DGKQ: variants seen among roughly 807,000 people sequenced by gnomAD.
DGKQ encodes the protein diacylglycerol kinase theta, also known as DAG kinase theta.
A neutral mutation model predicts 104.2 loss-of-function variants in DGKQ; 97 were observed. That is an observed-to-expected ratio of 0.93 (90% confidence interval 0.79 to 1.10). The LOEUF (loss-of-function observed/expected upper bound fraction) is 1.10, where lower values mean the gene tolerates loss of function less well. DGKQ is among the 50% of genes least tolerant of loss of function. The probability of loss-of-function intolerance (pLI) is 0.00; values close to 1 mark genes in which losing one functional copy is unlikely to be tolerated. For missense variants in DGKQ, 1,465 were observed against 1,352.1 expected (o/e 1.08, Z -1.31); for synonymous variants, 736 against 595.2 (o/e 1.24, Z -3.44).
intron 3 of DGKQ, 103 bp downstream of exon 3, chr4:968,708 C>T: frequency 7.3e-7 from 1 of 1,362,282 alleles, no homozygotes; most frequent in Non-Finnish European, 1.0e-6. Flanking sequence ...AGCCCTTGGC[C>T]TCCCCCATCA....
intron 8 of DGKQ, 43 bp downstream of exon 8, chr4:967,506 G>C (rs547917833): frequency 1.3e-6 from 2 of 1,583,752 alleles, no homozygotes; most frequent in African/African-American, 1.3e-5. Context: ...GGGGACATGC[G>C]GTCCTGGGAG....
chr4:960,624 C>T lies in DGKQ; in HGVS notation c.2825G>A (p.Arg942Lys). ...CTTGGGCTGCCCCAGCCACCCCTAC[C>T]TAGGATCGCTCTCAGGGGCAGGCGC... is the stretch of plus-strand genomic sequence containing the variant. ...DAAPAPESDP[R>K] Residue 942 changes from arginine (R) to lysine (K), a missense_variant, in exon 23 of 23, where the codon AGG becomes AAG. By Grantham distance (26) the Arg-to-Lys change is conservative. Coordinates refer to ENST00000273814, the MANE Select transcript of DGKQ (RefSeq NM_001347.4). 4 of 1,611,352 alleles carry T rather than the reference C, an allele frequency of 2.5e-6. No homozygotes were observed. Among genetic ancestry groups the T allele is most frequent in the Non-Finnish European group, 3.4e-6 (4 of 1,179,550 alleles).
chr4:966,526 G>C lies in DGKQ; in HGVS notation c.1368C>G (p.Val456=). Reference sequence around the variant, plus strand: ...GTTCGTCCATCAGCATCGTCCGCTGGACTGCAGAGGTGAGGGCACAGGCCG... The same window carrying C: ...GTTCGTCCATCAGCATCGTCCGCTGCACTGCAGAGGTGAGGGCACAGGCCG... ...LVEVAMGCRH[V]QRTMLMDEQP... The change falls in exon 12 of 23, where the codon GTC becomes GTG. Residue 456 remains valine, a splice_region_variant and synonymous_variant. Transcript: ENST00000273814. 3 of 1,611,938 alleles carry C rather than the reference G, an allele frequency of 1.9e-6. No individual in the cohort carries two copies. The highest frequency in any genetic ancestry group is 1.3e-5 in the African/African-American group (1 of 75,046).
In DGKQ at chr4:963,303, G is replaced by A. The variant is rs375903955; in HGVS notation, c.1735-13C>T. ...GCAGCTTCGCGTGCTGACAGACAGG[G>A]GGCTGGGTTAGGATGGGGACCCAAG... is the stretch of plus-strand genomic sequence containing the variant. On this transcript the variant is annotated splice_polypyrimidine_tract_variant and intron_variant, in intron 15 of 22. Coordinates refer to ENST00000273814, the MANE Select transcript of DGKQ (RefSeq NM_001347.4). 2.0e-5 allele frequency: 32 copies of A among 1,595,092 alleles called. No individual in the cohort carries two copies. Among genetic ancestry groups the A allele is most frequent in the East Asian group, 2.3e-5 (1 of 44,366 alleles).
chr4:960,465 C>G lies in DGKQ; in HGVS notation c.*155G>C. On this transcript the variant is annotated 3_prime_UTR_variant, in exon 23 of 23. Transcript: ENST00000273814. ...TCACCAATGGGATGAGGGCGGGTCC[C>G]GCTCCGTCACTGGGAAGATGCTGTG... The G allele has an allele frequency of 1.5e-6, 1 of 660,544 alleles. No homozygotes were observed. The highest frequency in any genetic ancestry group is 2.7e-5 in the East Asian group (1 of 37,046). 40.9% of individuals were successfully genotyped at this position (660,544 alleles called of 1,614,324 possible). A position where few individuals can be genotyped will look rare whatever the true frequency, so the allele number is the denominator to read the frequency against.
Position 963,296 on chromosome 4 carries a change from A to G in DGKQ, c.1735-6T>C, listed in dbSNP as rs759421073. Reference sequence around the variant, plus strand: ...TCTGGGGGCAGCTTCGCGTGCTGACAGACAGGGGGCTGGGTTAGGATGGGG... The same window carrying G: ...TCTGGGGGCAGCTTCGCGTGCTGACGGACAGGGGGCTGGGTTAGGATGGGG... On this transcript the variant is annotated splice_region_variant and splice_polypyrimidine_tract_variant and intron_variant, in intron 15 of 22. Transcript: ENST00000273814. The G allele has an allele frequency of 6.3e-6, 10 of 1,597,860 alleles. No homozygotes were observed. Among genetic ancestry groups the G allele is most frequent in the East Asian group, 2.3e-5 (1 of 44,416 alleles).
chr4:970,571 C>A (rs11248060), intron 2 of DGKQ, among the ~76,000 whole-genome samples: 1 of 152,120 alleles, frequency 6.6e-6, no homozygotes, highest in Non-Finnish European at 1.5e-5. Flanking sequence ...TGTGAGGAAA[C>A]TGAACAGACC....
chr4:973,365 C>A lies in DGKQ; in HGVS notation c.118G>T (p.Gly40Trp). The A allele has an allele frequency of 8.4e-7, 1 of 1,184,300 alleles. No homozygotes were observed. Among genetic ancestry groups the A allele is most frequent in the Non-Finnish European group, 1.0e-6 (1 of 957,058 alleles). The allele number at this position is 1,184,300 out of a possible 1,614,324, so 73.4% of individuals were successfully genotyped here. Residue 40 changes from glycine (G) to tryptophan (W), a missense_variant, in exon 1 of 23, where the codon GGG (glycine) becomes TGG (tryptophan). By Grantham distance (184) the Gly-to-Trp change is radical. Coordinates refer to ENST00000273814, the MANE Select transcript of DGKQ (RefSeq NM_001347.4). ...GSGGRARPGP[G>W]PGPGPERAGV... ...GCCCGCTCGGGTCCCGGCCCCGGCCCCGGCCCCGGGCGCGCGCGGCCTCCT... is the reference window on the plus strand; with the variant it reads ...GCCCGCTCGGGTCCCGGCCCCGGCCACGGCCCCGGGCGCGCGCGGCCTCCT...
At position 966,957 on chromosome 4, in the gene DGKQ, T is replaced by TACGC; in HGVS notation, c.1311+3_1311+6dup. The TACGC allele has an allele frequency of 6.4e-7, 1 of 1,559,090 alleles. No individual in the cohort carries two copies. Among genetic ancestry groups the TACGC allele is most frequent in the Non-Finnish European group, 8.7e-7 (1 of 1,154,078 alleles). On this transcript the variant is annotated splice_region_variant and intron_variant, in intron 10 of 22. Coordinates refer to ENST00000273814, the MANE Select transcript of DGKQ (RefSeq NM_001347.4). Reference sequence around the variant, plus strand: ...GCCGGCATGGGGAGCAGGCACAGGGTACGCACCTGGCGGCCGAGCAGCGGC... The same window carrying TACGC: ...GCCGGCATGGGGAGCAGGCACAGGGTACGCACGCACCTGGCGGCCGAGCAGCGGC...
rs986797415 is a variant in DGKQ, at chr4:973,060, C to T, written c.271+152G>A. ...CTGGAGCGGCCCCACGGCGCACAGGCCCCGGCCGCCCCACGAAGGCACGTC... is the reference window on the plus strand; with the variant it reads ...CTGGAGCGGCCCCACGGCGCACAGGTCCCGGCCGCCCCACGAAGGCACGTC... On this transcript the variant is annotated intron_variant, in intron 1 of 22. Coordinates refer to ENST00000273814, the MANE Select transcript of DGKQ (RefSeq NM_001347.4). 47 of 1,252,506 alleles carry T rather than the reference C, an allele frequency of 3.8e-5. No homozygotes were observed. In the East Asian group the frequency reaches 1.5e-3, roughly 40 times the overall value. 77.6% of individuals were successfully genotyped at this position (1,252,506 alleles called of 1,614,324 possible). A position where few individuals can be genotyped will look rare whatever the true frequency, so the allele number is the denominator to read the frequency against.
Position 962,484 on chromosome 4 carries a change from T to C in DGKQ, c.2165A>G (p.His722Arg), listed in dbSNP as rs374263035. Residue 722 changes from histidine (H) to arginine (R), a missense_variant, in exon 18 of 23, where the codon CAC (histidine) becomes CGC (arginine). Physicochemically the swap from His to Arg is conservative, Grantham distance 29. Coordinates refer to ENST00000273814, the MANE Select transcript of DGKQ (RefSeq NM_001347.4). The part of the protein sequence containing the change: ...MDRWTILLDA[H>R]EAGSAENDTA... ...GTCGTTCTCTGCACTGCCAGCCTCG[T>C]GGGCATCCAGCAGGATGGTCCAGCG... The C allele has an allele frequency of 9.3e-6, 15 of 1,607,680 alleles. No individual in the cohort carries two copies. Among genetic ancestry groups the C allele is most frequent in the Non-Finnish European group, 1.2e-5 (14 of 1,179,560 alleles).
In DGKQ at chr4:960,666, T is replaced by TA; in HGVS notation, c.2782_2783insT (p.Asp928ValfsTer11). 6.2e-7 allele frequency: 1 copy of TA among 1,612,250 alleles called. No homozygotes were observed. The highest frequency in any genetic ancestry group is 8.5e-7 in the Non-Finnish European group (1 of 1,179,808). Reference sequence around the variant, plus strand: ...GGCAGGCGCAGCATCCGCCCGGGCATCCCTGGTGGTCCCGGCCCTCCTCGG... The same window carrying TA: ...GGCAGGCGCAGCATCCGCCCGGGCATACCCTGGTGGTCCCGGCCCTCCTCGG... On this transcript the variant is annotated frameshift_variant, in exon 23 of 23. Transcript: ENST00000273814. LOFTEE classifies it low-confidence loss of function (END_TRUNC).
intron 15 of DGKQ, 133 bp downstream of exon 15, chr4:965,043 C>T (rs1712193794): frequency 1.5e-6 from 1 of 686,184 alleles, no homozygotes; most frequent in Admixed American, 2.4e-5. Flanking sequence ...CCTACAAGCC[C>T]CCAGTGAATT....
intron 16 of DGKQ, 34 bp from the exon 17 acceptor site, chr4:962,954 G>C (rs907223521): frequency 1.3e-6 from 2 of 1,583,876 alleles, no homozygotes; most frequent in African/African-American, 2.7e-5. Context: ...TCTACCAGCT[G>C]CGGGCGCAGC....
rs1711935129 is a variant in DGKQ at position 962,154 on chromosome 4, G to A, written c.2215-72C>T. On this transcript the variant is annotated intron_variant, in intron 18 of 22. Coordinates refer to ENST00000273814, the MANE Select transcript of DGKQ (RefSeq NM_001347.4). ...GCCCCCTGAGCTCCCCAACAGCTCTGCCGGCAGGCAGAGACAAGAGCAAGG... is the reference window on the plus strand; with the variant it reads ...GCCCCCTGAGCTCCCCAACAGCTCTACCGGCAGGCAGAGACAAGAGCAAGG... 1.2e-5 allele frequency: 17 copies of A among 1,360,404 alleles called. No homozygotes were observed. In the South Asian group the frequency reaches 1.8e-4, roughly 14 times the overall value. The allele number at this position is 1,360,404 out of a possible 1,614,324, so 84.3% of individuals were successfully genotyped here.
In DGKQ at chr4:971,151, G is replaced by A; in HGVS notation, c.272-79C>T. On this transcript the variant is annotated intron_variant, in intron 1 of 22. Coordinates refer to ENST00000273814, the MANE Select transcript of DGKQ (RefSeq NM_001347.4). This position sits in a 1 kb window ranked among gnomAD's most constrained non-coding sequence, Gnocchi z 4.0. ...TACCCAGGAAGTTAGAGGCCCCAGG[G>A]CAATGACTGCCATACCCACCATGCT... The A allele has an allele frequency of 9.5e-7, 1 of 1,057,514 alleles. No homozygotes were observed. 65.5% of individuals were successfully genotyped at this position (1,057,514 alleles called of 1,614,324 possible). A position where few individuals can be genotyped will look rare whatever the true frequency, so the allele number is the denominator to read the frequency against.
chr4:970,269 G>A (rs1712826434), intron 2 of DGKQ, among the ~76,000 whole-genome samples: 1 of 152,272 alleles, frequency 6.6e-6, no homozygotes, highest in Non-Finnish European at 1.5e-5. Context: ...CGCCCCACCT[G>A]CAGCCTGAAC....
At position 968,886 on chromosome 4, in the gene DGKQ, G is replaced by C; in HGVS notation, c.376C>G (p.Pro126Ala). The change falls in exon 3 of 23, where the codon CCC becomes GCC. Residue 126 changes from proline (P) to alanine (A), a missense_variant. Coordinates refer to ENST00000273814, the MANE Select transcript of DGKQ (RefSeq NM_001347.4). ...VRVPVAHCFG[P>A]RGLHKRKFCA... Reference sequence around the variant, plus strand: ...AACTTGCGCTTGTGGAGCCCCCGGGGGCCGAAGCAGTGGGCTACAGGAACC... The same window carrying C: ...AACTTGCGCTTGTGGAGCCCCCGGGCGCCGAAGCAGTGGGCTACAGGAACC... 6.2e-7 allele frequency: 1 copy of C among 1,600,844 alleles called. No individual in the cohort carries two copies. The highest frequency in any genetic ancestry group is 8.5e-7 in the Non-Finnish European group (1 of 1,171,994).
chr4:973,382 C>A lies in DGKQ; in HGVS notation c.101G>T (p.Arg34Leu). 13 of 1,116,678 alleles carry A rather than the reference C, an allele frequency of 1.2e-5. No individual in the cohort carries two copies. The highest frequency in any genetic ancestry group is 1.3e-5 in the Non-Finnish European group (12 of 918,096). The allele number at this position is 1,116,678 out of a possible 1,614,324, so 69.2% of individuals were successfully genotyped here. A position where few individuals can be genotyped will look rare whatever the true frequency, so the allele number is the denominator to read the frequency against. Residue 34 changes from arginine to leucine, a missense_variant, in exon 1 of 23, where the codon CGC (arginine) becomes CTC (leucine). Arg to Leu is a moderately radical substitution (Grantham distance 102). Coordinates refer to ENST00000273814, the MANE Select transcript of DGKQ (RefSeq NM_001347.4). ...CCCCGGCCCCGGCCCCGGGCGCGCG[C>A]GGCCTCCTGAGCCCAGCACGGGGCT... ...ACSPVLGSGG[R>L]ARPGPGPGPG...
Sources: gnomAD v4.1 joint callset for allele counts (sites outside exome capture counted in the v4.1 genomes callset) on GRCh38, gnomAD v4.1.1 for gene constraint, Gnocchi (gnomAD v3.1) non-coding constraint, MANE v1.5 for transcripts, NCBI Gene and HGNC (gene_info 2026-07-23, HGNC 2026-07-21) for gene names.